Variants in ADAMTS9 observed in about 807,000 individuals in gnomAD.
The protein encoded by ADAMTS9 is ADAM metallopeptidase with thrombospondin type 1 motif 9.
ADAMTS9 carries 107 observed loss-of-function variants against 257.1 expected under a neutral mutation model. The observed-to-expected ratio is 0.42, with a 90% CI of 0.36 to 0.49. The LOEUF is 0.49. Among genes scored for constraint, ADAMTS9 ranks in the 20% least tolerant of loss-of-function variants. The pLI is 0.03. For synonymous variants in ADAMTS9, 982 were observed against 880.9 expected, an observed-to-expected ratio of 1.11 and a Z score of -2.03; for missense variants, 2,353 against 2,469.1, an observed-to-expected ratio of 0.95 and a Z score of 1.00.
intron 3 of ADAMTS9, among the ~76,000 whole-genome samples, chr3:64,664,279 T>G (rs1383206810): frequency 1.3e-5 from 2 of 152,192 alleles, no homozygotes; most frequent in Admixed American, 1.3e-4. Context: ...AATATTAGTT[T>G]GGTAAGATTA....
At chr3:64,616,943 G>GA (rs1013905463) in intron 19 of ADAMTS9, among the ~76,000 whole-genome samples, 23 of 152,232 alleles carry the variant, frequency 1.5e-4, no homozygotes, top group Admixed American at 4.6e-4. Context: ...GTCCAGGGTA[G>GA]AACTCAGGGT....
At chr3:64,637,388 T>C (rs879697150) in intron 12 of ADAMTS9, among the ~76,000 whole-genome samples, 1 of 152,186 alleles carries the variant, frequency 6.6e-6, no homozygotes, top group African/African-American at 2.4e-5. Flanking sequence ...GCATGTCAAA[T>C]AGGGATAGGG....
At chr3:64,595,900 T>A (rs949658859) in intron 27 of ADAMTS9, among the ~76,000 whole-genome samples, 5 of 152,124 alleles carry the variant, frequency 3.3e-5, no homozygotes, top group Non-Finnish European at 7.3e-5. Context: ...AAATATGTGC[T>A]CTCCCTGTGG....
rs1156614567 is a variant in ADAMTS9, at chr3:64,516,894, T to G, written c.*233A>C. Reference sequence around the variant, plus strand: ...ACATCACAATAAATAATTTCAAACATAAATATTAAACTTTACATCATTAGG... The same window carrying G: ...ACATCACAATAAATAATTTCAAACAGAAATATTAAACTTTACATCATTAGG... On this transcript the variant is annotated 3_prime_UTR_variant, in exon 40 of 40. Transcript: ENST00000498707. 6.6e-6 allele frequency: 1 copy of G among 152,606 alleles called. No homozygotes were observed. The highest frequency in any genetic ancestry group is 1.9e-4 in the East Asian group (1 of 5,200). The allele number at this position is 152,606 out of a possible 1,614,324, so 9.5% of individuals were successfully genotyped here.
At position 64,658,638 on chromosome 3, in the gene ADAMTS9, T is replaced by G; in HGVS notation, c.833A>C (p.Glu278Ala). ...AYGNKTDNTR[E>A]KRTHRRTKRF... Reference sequence around the variant, plus strand: ...TTTTGTCCTTCTGTGGGTCCTCTTTTCTCTTGTGTTGTCCGTCTTATTACC... The same window carrying G: ...TTTTGTCCTTCTGTGGGTCCTCTTTGCTCTTGTGTTGTCCGTCTTATTACC... The change falls in exon 4 of 40, where the codon GAA (glutamate) becomes GCA (alanine). Residue 278 changes from glutamate to alanine, a missense_variant. By Grantham distance (107) the Glu-to-Ala change is moderately radical. This residue lies in a region of ADAMTS9 where 591 missense variants were observed against 569.6 expected (regional missense o/e 1.04). Transcript: ENST00000498707. The G allele has an allele frequency of 6.2e-7, 1 of 1,614,106 alleles. No individual in the cohort carries two copies. The highest frequency in any genetic ancestry group is 1.1e-5 in the South Asian group (1 of 91,068).
chr3:64,659,725 T>A (rs1305230647), intron 3 of ADAMTS9, among the ~76,000 whole-genome samples: 1 of 152,176 alleles, frequency 6.6e-6, no homozygotes, highest in Non-Finnish European at 1.5e-5. Flanking sequence ...TAAATTAAAC[T>A]CCGAGAGTCT....
chr3:64,639,599 T>TG (rs1700589392), intron 12 of ADAMTS9, among the ~76,000 whole-genome samples: 2 of 152,186 alleles, frequency 1.3e-5, no homozygotes, highest in African/African-American at 4.8e-5. Context: ...TTGAATGGAA[T>TG]ATCCTTGAGT....
chr3:64,628,858 G>A (rs373537457), intron 16 of ADAMTS9, among the ~76,000 whole-genome samples: 4 of 152,238 alleles, frequency 2.6e-5, no homozygotes, highest in Admixed American at 6.5e-5. Context: ...TCATATGTAG[G>A]CTTCATATCA....
intron 11 of ADAMTS9, 41 bp downstream of exon 11, chr3:64,647,899 T>C: frequency 1.3e-6 from 2 of 1,575,380 alleles, no homozygotes; most frequent in Non-Finnish European, 1.7e-6. Context: ...TCTTGCACAT[T>C]TCTGCCCTAA....
chr3:64,566,432 A>G (rs1462298223), intron 29 of ADAMTS9, among the ~76,000 whole-genome samples: 2 of 152,188 alleles, frequency 1.3e-5, no homozygotes, highest in African/African-American at 4.8e-5. Context: ...ATTTTCTACA[A>G]AGGTGACTTG....
intron 38 of ADAMTS9, among the ~76,000 whole-genome samples, chr3:64,532,957 C>T (rs2083002024): frequency 6.6e-6 from 1 of 152,154 alleles, no homozygotes. Context: ...AGGAAGAATT[C>T]ACCAGAAGTG....
intron 31 of ADAMTS9, 45 bp downstream of exon 31, chr3:64,550,847 A>G (rs1479816856): frequency 1.2e-6 from 2 of 1,607,440 alleles, no homozygotes; most frequent in South Asian, 1.1e-5. Flanking sequence ...TGCCACTCTC[A>G]GGCCATGGCT....
Position 64,621,793 on chromosome 3 carries a change from T to TAAAAAAAAA in ADAMTS9, c.2686+404_2686+405insTTTTTTTTT, listed in dbSNP as rs371561807. The stretch of plus-strand genomic sequence containing the variant: ...ATAAAAAAATAAAAAAATAAAAAAA[T>TAAAAAAAAA]AAAAAGAAAAGAAAAAGAAAAAAAA... On this transcript the variant is annotated intron_variant, in intron 18 of 39. Coordinates refer to ENST00000498707, the MANE Select transcript of ADAMTS9 (RefSeq NM_182920.2). Among the ~76,000 whole-genome samples the TAAAAAAAAA allele has an allele frequency of 1.4e-5, 2 of 140,062 alleles. 1 individual carries two copies. The highest frequency in any genetic ancestry group is 5.3e-5 in the African/African-American group (2 of 37,520). 91.9% of individuals were successfully genotyped at this position (140,062 alleles called of 152,430 possible).
intron 27 of ADAMTS9, 99 bp downstream of exon 27, chr3:64,596,731 C>G: frequency 2.1e-6 from 3 of 1,445,484 alleles, no homozygotes; most frequent in East Asian, 2.3e-5. Flanking sequence ...GAAGCTTCTA[C>G]TAGAGCTAGT....
intron 38 of ADAMTS9, among the ~76,000 whole-genome samples, chr3:64,524,273 G>A (rs1559745710): frequency 6.6e-6 from 1 of 152,132 alleles, no homozygotes; most frequent in Non-Finnish European, 1.5e-5. Context: ...ATTTTCAATT[G>A]CAAGTGATTA....
chr3:64,687,664 T>TCCCACCCCTCCCTCCGCTGCC lies in ADAMTS9; in HGVS notation c.-28_-8dup. On this transcript the variant is annotated 5_prime_UTR_variant, in exon 1 of 40. Coordinates refer to ENST00000498707, the MANE Select transcript of ADAMTS9 (RefSeq NM_182920.2). This position sits in a 1 kb window ranked among gnomAD's most constrained non-coding sequence, Gnocchi z 4.4. ...CCCAGGATACAAACTGCATGGTGCT[T>TCCCACCCCTCCCTCCGCTGCC]CCCACCCCTCCCTCCGCTGCCCCCA... 2 of 1,511,190 alleles carry TCCCACCCCTCCCTCCGCTGCC rather than the reference T, an allele frequency of 1.3e-6. No individual in the cohort carries two copies. Among genetic ancestry groups the TCCCACCCCTCCCTCCGCTGCC allele is most frequent in the South Asian group, 1.2e-5 (1 of 80,916 alleles). 93.6% of individuals were successfully genotyped at this position (1,511,190 alleles called of 1,614,324 possible). A position where few individuals can be genotyped will look rare whatever the true frequency, so the allele number is the denominator to read the frequency against.
intron 28 of ADAMTS9, among the ~76,000 whole-genome samples, chr3:64,592,041 A>G (rs139515881): frequency 2.3e-3 from 356 of 152,356 alleles, no homozygotes; most frequent in African/African-American, 8.3e-3. Flanking sequence ...AAGCATCCAC[A>G]GAAATAAACA....
intron 29 of ADAMTS9, among the ~76,000 whole-genome samples, chr3:64,563,512 G>C (rs1166734684): frequency 6.6e-6 from 1 of 152,064 alleles, no homozygotes; most frequent in East Asian, 1.9e-4. Flanking sequence ...AAGACTTTTA[G>C]AATGTATAAG....
intron 37 of ADAMTS9, among the ~76,000 whole-genome samples, 164 bp from the exon 38 acceptor site, chr3:64,533,434 C>G (rs1043222012): frequency 2.0e-5 from 3 of 152,184 alleles, no homozygotes; most frequent in African/African-American, 7.2e-5. Flanking sequence ...TGTTCAGGGC[C>G]AGCCATTCTT....
Sources: gnomAD v4.1 joint callset for allele counts (sites outside exome capture counted in the v4.1 genomes callset) on GRCh38, gnomAD v4.1.1 for gene constraint, gnomAD v4.1.1 regional missense constraint, Gnocchi (gnomAD v3.1) non-coding constraint, MANE v1.5 for transcripts, NCBI Gene and HGNC (gene_info 2026-07-23, HGNC 2026-07-21) for gene names.